Variants in USP53 observed in about 807,000 individuals in gnomAD.
USP53 encodes ubiquitin carboxyl-terminal hydrolase 53.
In USP53, 71 loss-of-function variants were observed where a neutral mutation model predicts 94.9. The observed-to-expected ratio is 0.75, with a 90% CI of 0.62 to 0.91. The LOEUF is 0.91. USP53 is among the 40% of genes least tolerant of loss of function. The pLI, the probability that USP53 is intolerant of heterozygous loss-of-function variation, is 0.00. For synonymous variants in USP53, 375 were observed against 422.7 expected, an observed-to-expected ratio of 0.89 and a Z score of 1.39; for missense variants, 1,173 against 1,281.0, an observed-to-expected ratio of 0.92 and a Z score of 1.29.
At chr4:119,213,645 T>TATTAGATATATATAG (rs144552856) in intron 1 of USP53, among the ~76,000 whole-genome samples, 5 of 137,024 alleles carry the variant, frequency 3.6e-5, no homozygotes, top group African/African-American at 1.4e-4. Context: ...GAAATAGATA[T>TATTAGATATATATAG]ATATATATAT....
chr4:119,215,326 CG>C (rs1743568997), intron 2 of USP53, among the ~76,000 whole-genome samples: 1 of 152,088 alleles, frequency 6.6e-6, no homozygotes, highest in South Asian at 2.1e-4. Context: ...GAACAAGAAA[CG>C]GATGCAACCT....
At chr4:119,247,743 TTAAACA>T (rs768408079) in intron 6 of USP53, among the ~76,000 whole-genome samples, 6 of 152,180 alleles carry the variant, frequency 3.9e-5, no homozygotes, top group Non-Finnish European at 8.8e-5. Flanking sequence ...ATTAAAAATC[TTAAACA>T]TTACCTGGAA....
chr4:119,272,010 G>T lies in USP53; in HGVS notation c.2150G>T (p.Gly717Val). The T allele has an allele frequency of 6.3e-7, 1 of 1,596,866 alleles. No individual in the cohort carries two copies. Among genetic ancestry groups the T allele is most frequent in the Non-Finnish European group, 8.5e-7 (1 of 1,173,588 alleles). ...AATGGTACAGTAATGGATATCAGTG[G>T]TGTTAAAGAAACAGTATGCTTCAGG... ...DGNGTVMDIS[G>V]VKETVCFSDQ... Residue 717 changes from glycine (G) to valine (V), a missense_variant, in exon 16 of 19, where the codon GGT becomes GTT. Physicochemically the swap from Gly to Val is moderately radical, Grantham distance 109. Coordinates refer to ENST00000692078, the MANE Select transcript of USP53 (RefSeq NM_001371395.1).
In USP53 at chr4:119,293,251, G is replaced by A; in HGVS notation, c.*40G>A. ...AGACCTGTGTTACATAATAATCTTGGTTCAAGCTGCCCTTCTGAACAAAGA... is the reference window on the plus strand; with the variant it reads ...AGACCTGTGTTACATAATAATCTTGATTCAAGCTGCCCTTCTGAACAAAGA... On this transcript the variant is annotated 3_prime_UTR_variant, in exon 19 of 19. Transcript: ENST00000692078. 6.5e-7 allele frequency: 1 copy of A among 1,527,244 alleles called. No homozygotes were observed. The highest frequency in any genetic ancestry group is 8.7e-7 in the Non-Finnish European group (1 of 1,149,126). 94.6% of individuals were successfully genotyped at this position (1,527,244 alleles called of 1,614,324 possible). A position where few individuals can be genotyped will look rare whatever the true frequency, so the allele number is the denominator to read the frequency against.
At chr4:119,272,870 A>G (rs1159440960) in intron 16 of USP53, 1 of 152,234 alleles carries the variant, frequency 6.6e-6, no homozygotes, top group African/African-American at 2.4e-5. Flanking sequence ...GATTAATTCT[A>G]AATACATTTA....
intron 3 of USP53, among the ~76,000 whole-genome samples, chr4:119,233,348 A>C (rs1296402910): frequency 6.6e-6 from 1 of 151,534 alleles, no homozygotes; most frequent in Non-Finnish European, 1.5e-5. Context: ...TTTTTCCTAC[A>C]TCATGTTTGG....
In USP53 at chr4:119,256,532, C is replaced by T. The variant is rs1268019223; in HGVS notation, c.569+9C>T. ...TCTACAACAGCCTTATGGTAAGAAC[C>T]TATTAAAGCTTAATTATCAACGATA... is the stretch of plus-strand genomic sequence containing the variant. On this transcript the variant is annotated intron_variant, in intron 9 of 18. Transcript: ENST00000692078. The T allele has an allele frequency of 6.2e-7, 1 of 1,612,766 alleles. No homozygotes were observed. Among genetic ancestry groups the T allele is most frequent in the Admixed American group, 1.7e-5 (1 of 60,016 alleles).
intron 17 of USP53, among the ~76,000 whole-genome samples, chr4:119,288,012 T>C (rs1754313039): frequency 1.3e-5 from 2 of 152,198 alleles, no homozygotes; most frequent in African/African-American, 4.8e-5. Context: ...AAGACAACTA[T>C]TACCAACTAG....
intron 5 of USP53, among the ~76,000 whole-genome samples, chr4:119,240,331 C>T (rs1406865032): frequency 6.6e-6 from 1 of 152,116 alleles, no homozygotes; most frequent in African/African-American, 2.4e-5. Flanking sequence ...CCCTTCACCT[C>T]CCACTGTGGT....
At chr4:119,233,595 G>T (rs1746350670) in intron 3 of USP53, among the ~76,000 whole-genome samples, 1 of 151,920 alleles carries the variant, frequency 6.6e-6, no homozygotes, top group South Asian at 2.1e-4. Context: ...TTGCTCACTA[G>T]TATATTCTTG....
intron 17 of USP53, among the ~76,000 whole-genome samples, chr4:119,286,502 G>A (rs1754134521): frequency 6.6e-6 from 1 of 151,758 alleles, no homozygotes; most frequent in Admixed American, 6.6e-5. Flanking sequence ...TAAGTTAGTT[G>A]GAATTCTGAA....
chr4:119,227,705 A>C (rs1415128901), intron 3 of USP53, among the ~76,000 whole-genome samples: 2 of 152,218 alleles, frequency 1.3e-5, no homozygotes, highest in African/African-American at 4.8e-5. Context: ...ATAAAGTTAA[A>C]CATGCATTTA....
At chr4:119,274,412 A>G (rs926425028) in intron 17 of USP53, among the ~76,000 whole-genome samples, 1 of 151,900 alleles carries the variant, frequency 6.6e-6, no homozygotes, top group African/African-American at 2.4e-5. Flanking sequence ...CCATGTCCCT[A>G]CAAAGGACAC....
chr4:119,248,820 G>C lies in USP53; in HGVS notation c.310G>C (p.Glu104Gln), dbSNP rs751104366. Residue 104 changes from glutamate to glutamine, a missense_variant, in exon 7 of 19, where the codon GAA becomes CAA. By Grantham distance (29) the Glu-to-Gln change is conservative. Coordinates refer to ENST00000692078, the MANE Select transcript of USP53 (RefSeq NM_001371395.1). Reference sequence around the variant, plus strand: ...AGATAACATAAGGCATGCTCTTGCAGAAAGTTTCAAAGATGAGCAGCGATT... The same window carrying C: ...AGATAACATAAGGCATGCTCTTGCACAAAGTTTCAAAGATGAGCAGCGATT... ...PSDNIRHALAESFKDEQRFQL... is the reference protein window; with the variant it reads ...PSDNIRHALAQSFKDEQRFQL... 2.5e-6 allele frequency: 4 copies of C among 1,614,142 alleles called. No homozygotes were observed. The highest frequency in any genetic ancestry group is 1.7e-4 in the Middle Eastern group (1 of 6,038).
intron 3 of USP53, among the ~76,000 whole-genome samples, chr4:119,229,399 C>A (rs746194919): frequency 1.3e-5 from 2 of 152,158 alleles, no homozygotes; most frequent in Non-Finnish European, 2.9e-5. Flanking sequence ...ACCCTAAACT[C>A]TTCCCCAGGA....
intron 3 of USP53, among the ~76,000 whole-genome samples, chr4:119,224,135 G>T (rs1744923082): frequency 6.6e-6 from 1 of 152,172 alleles, no homozygotes; most frequent in Non-Finnish European, 1.5e-5. Context: ...GAGTAGCTGG[G>T]ATTACAGGCG....
chr4:119,270,335 C>G (rs555450585), intron 15 of USP53, among the ~76,000 whole-genome samples: 1 of 151,890 alleles, frequency 6.6e-6, no homozygotes, highest in Non-Finnish European at 1.5e-5. Context: ...TGGCCTCAAA[C>G]GATCCTCTTA....
At chr4:119,235,584 C>T (rs1746628158) in intron 4 of USP53, among the ~76,000 whole-genome samples, 173 bp downstream of exon 4, 1 of 152,114 alleles carries the variant, frequency 6.6e-6, no homozygotes, top group Admixed American at 6.6e-5. Flanking sequence ...AGCCATCACC[C>T]AGAGTTTAAA....
chr4:119,237,753 T>G (rs1349094126), intron 4 of USP53, among the ~76,000 whole-genome samples: 1 of 152,208 alleles, frequency 6.6e-6, no homozygotes, highest in Non-Finnish European at 1.5e-5. Context: ...GAAAATCTGT[T>G]AATTAGTGTA....
Sources: gnomAD v4.1 joint callset for allele counts (sites outside exome capture counted in the v4.1 genomes callset) on GRCh38, gnomAD v4.1.1 for gene constraint, MANE v1.5 for transcripts, NCBI Gene and HGNC (gene_info 2026-07-23, HGNC 2026-07-21) for gene names.